The following DST variants were observed in gnomAD, a reference collection of about 807,000 sequenced individuals.
DST encodes the protein dystonin, also known as bullous pemphigoid antigen.
In DST, 253 loss-of-function variants were observed where a neutral mutation model predicts 875.2. That is an observed-to-expected ratio of 0.29 (90% CI 0.26 to 0.32). DST has a LOEUF of 0.32. Among genes scored for constraint, DST ranks in the 10% least tolerant of loss-of-function variants. The pLI, the probability that DST is intolerant of heterozygous loss-of-function variation, is 1.00. For missense variants in DST, 8,287 were observed against 9,111.6 expected (o/e 0.91, Z 3.68); for synonymous variants, 3,124 against 3,197.1 (o/e 0.98, Z 0.77).
chr6:56,629,709 G>A (rs761770673), intron 31 of DST, among the ~76,000 whole-genome samples: 1 of 152,028 alleles, frequency 6.6e-6, no homozygotes, highest in African/African-American at 2.4e-5. Context: ...CCATAAGCAA[G>A]TTTGCTACCT....
chr6:56,896,047 G>A (rs1791061622), intron 3 of DST, among the ~76,000 whole-genome samples: 1 of 34,756 alleles, frequency 2.9e-5, no homozygotes, highest in East Asian at 6.8e-4. Context: ...AGAGGGAGAC[G>A]GGAGAGGGAG....
intron 4 of DST, among the ~76,000 whole-genome samples, chr6:56,814,578 A>G (rs1317377752): frequency 6.6e-6 from 1 of 152,226 alleles, no homozygotes; most frequent in African/African-American, 2.4e-5. Flanking sequence ...TCTGTTCACA[A>G]TGCAGCAGTT....
intron 3 of DST, among the ~76,000 whole-genome samples, chr6:56,864,714 T>C (rs1391981190): frequency 6.6e-6 from 1 of 152,206 alleles, no homozygotes; most frequent in Admixed American, 6.5e-5. Flanking sequence ...GCTCAGCACA[T>C]ACTACTCAAT....
At chr6:56,582,739 T>TC (rs2098039887) in intron 49 of DST, among the ~76,000 whole-genome samples, 1 of 151,848 alleles carries the variant, frequency 6.6e-6, no homozygotes, top group South Asian at 2.1e-4. Flanking sequence ...ATGCTATCTC[T>TC]CCCCCCTACC....
chr6:56,617,175 C>T (rs993028919), intron 36 of DST: 2 of 1,601,664 alleles, frequency 1.2e-6, no homozygotes. Flanking sequence ...AACTGCCTGG[C>T]AGTCACAGTG....
intron 4 of DST, chr6:56,843,658 G>A: frequency 6.1e-6 from 6 of 983,742 alleles, no homozygotes; most frequent in Non-Finnish European, 7.2e-6. Context: ...GGCATTTCCT[G>A]GCCGCCGCGC....
chr6:56,808,708 G>A (rs1165135663), intron 4 of DST, among the ~76,000 whole-genome samples: 1 of 152,156 alleles, frequency 6.6e-6, no homozygotes, highest in Non-Finnish European at 1.5e-5. Context: ...CTAGTAAGAT[G>A]TATTCTACAA....
Position 56,954,562 on chromosome 6 carries a change from A to C in DST, c.26T>G (p.Leu9Trp). 1 of 1,362,578 alleles carries C rather than the reference A, an allele frequency of 7.3e-7. No homozygotes were observed. The highest frequency in any genetic ancestry group is 9.8e-7 in the Non-Finnish European group (1 of 1,019,702). The allele number at this position is 1,362,578 out of a possible 1,614,324, so 84.4% of individuals were successfully genotyped here. MIAAAFLV[L>W]LRPYSIQCAL... is the part of the protein sequence containing the mutation. ...ACATTGGATGCTGTAGGGTCTCAGC[A>C]AGACGAGGAAAGCCGCGGCGATCAT... The change falls in exon 1 of 104, where the codon TTG (leucine) becomes TGG (tryptophan). Residue 9 changes from leucine to tryptophan, a missense_variant. This residue lies in a region of DST where 1,160 missense variants were observed against 1,424.3 expected (regional missense o/e 0.81). Coordinates refer to ENST00000680361, the MANE Select transcript of DST (RefSeq NM_001374736.1).
intron 3 of DST, among the ~76,000 whole-genome samples, chr6:56,899,421 T>C (rs1314769917): frequency 1.3e-5 from 2 of 152,218 alleles, no homozygotes; most frequent in East Asian, 3.8e-4. Flanking sequence ...TTTCCATTGT[T>C]GTTGGCCTGG....
At position 56,632,837 on chromosome 6, in the gene DST, G is replaced by A. The variant is rs1210849719; in HGVS notation, c.3805+17C>T. 4.3e-6 allele frequency: 7 copies of A among 1,610,122 alleles called. No homozygotes were observed. The highest frequency in any genetic ancestry group is 5.1e-6 in the Non-Finnish European group (6 of 1,177,140). ...AACACCTATGGGGAAAAAAAGACAG[G>A]GATCCCCATGCTTTACCTCTTTCTG... On this transcript the variant is annotated intron_variant, in intron 28 of 103. Coordinates refer to ENST00000680361, the MANE Select transcript of DST (RefSeq NM_001374736.1).
At chr6:56,497,678 T>C in intron 81 of DST, 171 bp from the exon 82 acceptor site, 1 of 957,108 alleles carries the variant, frequency 1.0e-6, no homozygotes, top group Admixed American at 2.9e-5. Flanking sequence ...ATAAGAGTAT[T>C]ATGCTAAGAA....
intron 90 of DST, among the ~76,000 whole-genome samples, chr6:56,477,845 A>C (rs552691694): frequency 7.3e-4 from 111 of 152,344 alleles, no homozygotes; most frequent in African/African-American, 2.6e-3. Context: ...TCTCTAGATT[A>C]CTAATAATAC....
chr6:56,733,621 T>C (rs1418445924), intron 5 of DST, among the ~76,000 whole-genome samples: 1 of 152,200 alleles, frequency 6.6e-6, no homozygotes, highest in African/African-American at 2.4e-5. Flanking sequence ...CACCACCATT[T>C]ACCTGACCTC....
intron 82 of DST, 56 bp downstream of exon 82, chr6:56,497,323 A>G (rs1583164771): frequency 6.3e-7 from 1 of 1,587,018 alleles, no homozygotes; most frequent in Non-Finnish European, 8.6e-7. Flanking sequence ...CAGGGCCCAT[A>G]TAACATGGTC....
chr6:56,515,374 T>G, intron 72 of DST, 76 bp downstream of exon 72: 1 of 1,507,198 alleles, frequency 6.6e-7, no homozygotes, highest in Non-Finnish European at 9.1e-7. Flanking sequence ...AGTGTTTAAC[T>G]GTACTAAAAA....
Position 56,546,380 on chromosome 6 carries a change from AT to A in DST, c.16608+5803del, listed in dbSNP as rs1562695742. Among the ~76,000 whole-genome samples, 159 of 135,506 alleles carry A rather than the reference AT, an allele frequency of 1.2e-3. 4 individuals are homozygous for A. The East Asian group carries it at 0.02, about 17-fold the overall frequency. The allele number at this position is 135,506 out of a possible 152,430, so 88.9% of individuals were successfully genotyped here. A position where few individuals can be genotyped will look rare whatever the true frequency, so the allele number is the denominator to read the frequency against. ...TATATATATATATATATATATATAT[AT>A]ATATATATAAATGTCAAAAAGTTCA... is the stretch of plus-strand genomic sequence containing the variant. On this transcript the variant is annotated intron_variant, in intron 61 of 103. Transcript: ENST00000680361.
intron 4 of DST, among the ~76,000 whole-genome samples, chr6:56,769,466 C>T (rs887065368): frequency 6.6e-6 from 1 of 152,134 alleles, no homozygotes; most frequent in Non-Finnish European, 1.5e-5. Context: ...AGGAAGGATG[C>T]GGGAACTCTG....
chr6:56,505,021 C>G (rs1216995258), intron 77 of DST, among the ~76,000 whole-genome samples: 2 of 152,104 alleles, frequency 1.3e-5, no homozygotes, highest in Non-Finnish European at 2.9e-5. Context: ...ATGAAGTTTA[C>G]AAACCATATA....
chr6:56,593,641 T>TA (rs1227222682), intron 48 of DST, 22 bp downstream of exon 48: 11 of 1,459,326 alleles, frequency 7.5e-6, no homozygotes, highest in Non-Finnish European at 1.0e-5. Context: ...ACTTTTCCCT[T>TA]AAAAAATCAA....
Sources: gnomAD v4.1 joint callset for allele counts (sites outside exome capture counted in the v4.1 genomes callset) on GRCh38, gnomAD v4.1.1 for gene constraint, gnomAD v4.1.1 regional missense constraint, MANE v1.5 for transcripts, NCBI Gene and HGNC (gene_info 2026-07-23, HGNC 2026-07-21) for gene names.